PAPPA2: variants seen among roughly 807,000 people sequenced by gnomAD.
The protein encoded by PAPPA2 is pappalysin-2.
PAPPA2 carries 86 observed loss-of-function variants against 176.4 expected under a neutral mutation model. The observed-to-expected ratio is 0.49, with a 90% CI of 0.41 to 0.58. The LOEUF (loss-of-function observed/expected upper bound fraction) is 0.58. Among genes scored for constraint, PAPPA2 ranks in the 20% least tolerant of loss-of-function variants. The pLI, the probability that PAPPA2 is intolerant of heterozygous loss-of-function variation, is 0.00. For missense variants in PAPPA2, 2,073 were observed against 2,256.9 expected (o/e 0.92, Z 1.65); for synonymous variants, 809 against 852.2 (o/e 0.95, Z 0.88).
intron 17 of PAPPA2, among the ~76,000 whole-genome samples, chr1:176,786,587 T>A (rs1664942741): frequency 6.6e-6 from 1 of 152,206 alleles, no homozygotes; most frequent in Non-Finnish European, 1.5e-5. Context: ...GGATGTGGCA[T>A]TGGGACACAG....
chr1:176,594,372 G>A (rs2102649064), intron 2 of PAPPA2, 152 bp from the exon 3 acceptor site: 1 of 658,838 alleles, frequency 1.5e-6, no homozygotes, highest in Non-Finnish European at 2.6e-6. Context: ...AGGGATATGA[G>A]CAGGCATCTC....
At chr1:176,480,363 T>G (rs1652336682) in intron 1 of PAPPA2, among the ~76,000 whole-genome samples, 1 of 152,166 alleles carries the variant, frequency 6.6e-6, no homozygotes, top group South Asian at 2.1e-4. Flanking sequence ...CAGGCTGACC[T>G]GGAATGAGCT....
intron 3 of PAPPA2, among the ~76,000 whole-genome samples, chr1:176,618,884 G>A (rs1466722316): frequency 6.6e-6 from 1 of 152,056 alleles, no homozygotes; most frequent in African/African-American, 2.4e-5. Context: ...ATTATAACTA[G>A]AAGTAGCTAT....
chr1:176,649,610 A>C (rs1004492863), intron 3 of PAPPA2, among the ~76,000 whole-genome samples: 1 of 151,004 alleles, frequency 6.6e-6, no homozygotes, highest in African/African-American at 2.4e-5. Flanking sequence ...TTCCATTTTC[A>C]TTTGTTTTAA....
chr1:176,596,457 C>CTG (rs1653991714), intron 3 of PAPPA2, among the ~76,000 whole-genome samples: 7 of 152,196 alleles, frequency 4.6e-5, no homozygotes. Flanking sequence ...CCATGGTGGG[C>CTG]TCTCTCTTGT....
chr1:176,779,490 A>G (rs1664612146), intron 17 of PAPPA2, among the ~76,000 whole-genome samples: 2 of 144,790 alleles, frequency 1.4e-5, no homozygotes. Context: ...ACACACACAC[A>G]CACACACACA....
At chr1:176,545,721 C>G (rs993871382) in intron 1 of PAPPA2, among the ~76,000 whole-genome samples, 1 of 152,260 alleles carries the variant, frequency 6.6e-6, no homozygotes, top group Admixed American at 6.5e-5. Flanking sequence ...GAGGGATGAC[C>G]ATGCATACTT....
chr1:176,631,577 A>G (rs1656340817), intron 3 of PAPPA2, among the ~76,000 whole-genome samples: 1 of 152,232 alleles, frequency 6.6e-6, no homozygotes, highest in Non-Finnish European at 1.5e-5. Flanking sequence ...AGTATGGGTA[A>G]AATCAAACTG....
chr1:176,789,263 G>A (rs996611491), intron 17 of PAPPA2, among the ~76,000 whole-genome samples: 3 of 152,192 alleles, frequency 2.0e-5, no homozygotes. Context: ...GGGCATGGAT[G>A]AAGCTGGAAA....
intron 9 of PAPPA2, among the ~76,000 whole-genome samples, chr1:176,705,014 G>C (rs1303590901): frequency 6.6e-6 from 1 of 152,094 alleles, no homozygotes; most frequent in Admixed American, 6.6e-5. Flanking sequence ...TGATTGTTTA[G>C]ATTATCTTCA....
intron 4 of PAPPA2, among the ~76,000 whole-genome samples, chr1:176,682,891 C>T (rs770118909): frequency 2.7e-4 from 41 of 152,224 alleles, no homozygotes; most frequent in Admixed American, 1.4e-3. Context: ...TACATAGGCA[C>T]ATGCAGACCA....
chr1:176,517,869 G>T (rs973199694), intron 1 of PAPPA2, among the ~76,000 whole-genome samples: 4 of 148,580 alleles, frequency 2.7e-5, no homozygotes, highest in Admixed American at 6.7e-5. Flanking sequence ...GAATTCCAGG[G>T]CAATAAAGAA....
chr1:176,801,096 C>T (rs1016921870), intron 21 of PAPPA2, among the ~76,000 whole-genome samples: 1 of 131,388 alleles, frequency 7.6e-6, no homozygotes, highest in Non-Finnish European at 1.6e-5. Flanking sequence ...TGCTTACACA[C>T]ACACACACGC....
intron 17 of PAPPA2, among the ~76,000 whole-genome samples, chr1:176,783,773 T>A (rs1664815101): frequency 6.6e-6 from 1 of 152,218 alleles, no homozygotes; most frequent in South Asian, 2.1e-4. Context: ...GTGAGGTGGA[T>A]GATCTCGCTC....
At chr1:176,545,156 A>G (rs1041667845) in intron 1 of PAPPA2, among the ~76,000 whole-genome samples, 9 of 152,178 alleles carry the variant, frequency 5.9e-5, no homozygotes. Flanking sequence ...CCCTCTAACC[A>G]TATGGCTGGT....
In PAPPA2 at chr1:176,509,729, A is replaced by G. The variant is rs145433394; in HGVS notation, c.-916-45678A>G. Among the ~76,000 whole-genome samples, 778 of 152,222 alleles carry G rather than the reference A, an allele frequency of 5.1e-3. 4 individuals are homozygous for G. The highest frequency in any genetic ancestry group is 0.017 in the Middle Eastern group (5 of 294). On this transcript the variant is annotated intron_variant, in intron 1 of 22. Coordinates refer to ENST00000367662, the MANE Select transcript of PAPPA2 (RefSeq NM_020318.3). ...ATGCAGGAATATGACTTTGCTGGGC[A>G]TGGTGAATCACACCTATAATCCCAG...
At chr1:176,579,398 C>G (rs772185458) in intron 2 of PAPPA2, among the ~76,000 whole-genome samples, 9 of 152,178 alleles carry the variant, frequency 5.9e-5, no homozygotes, top group Non-Finnish European at 1.3e-4. Context: ...TGTTACATGT[C>G]AAAAGCCTAC....
chr1:176,575,449 C>T (rs1652589244), intron 2 of PAPPA2, among the ~76,000 whole-genome samples: 1 of 152,196 alleles, frequency 6.6e-6, no homozygotes, highest in Non-Finnish European at 1.5e-5. Context: ...TGATTTGTCA[C>T]CCAGAGTGTA....
intron 1 of PAPPA2, among the ~76,000 whole-genome samples, chr1:176,484,756 C>T (rs1477115534): frequency 6.6e-6 from 1 of 152,176 alleles, no homozygotes; most frequent in Non-Finnish European, 1.5e-5. Context: ...TCTTGCATGT[C>T]ATCTGTTTTA....
Sources: allele counts gnomAD v4.1 joint callset (sites outside exome capture counted in the v4.1 genomes callset), GRCh38; gene constraint gnomAD v4.1.1; transcripts MANE v1.5; gene names NCBI Gene and HGNC (gene_info 2026-07-23, HGNC 2026-07-21).